Variants in ZPBP observed in about 807,000 individuals in gnomAD.
The protein encoded by ZPBP is zona pellucida binding protein, also known as zona pellucida-binding protein 1.
A neutral mutation model predicts 44.8 loss-of-function variants in ZPBP; 26 were observed. The observed-to-expected ratio is 0.58, with a 90% confidence interval of 0.43 to 0.81. The LOEUF (loss-of-function observed/expected upper bound fraction) is 0.81, where lower values mean the gene tolerates loss of function less well. Ranked by LOEUF, ZPBP falls within the 30% of genes least tolerant of loss-of-function variation. ZPBP has a pLI of 0.00. For missense variants in ZPBP, 409 were observed against 434.0 expected, an observed-to-expected ratio of 0.94 and a Z score of 0.51; for synonymous variants, 174 against 153.2, an observed-to-expected ratio of 1.14 and a Z score of -1.00.
intron 3 of ZPBP, among the ~76,000 whole-genome samples, chr7:50,080,719 T>C (rs931186102): frequency 2.0e-5 from 3 of 151,830 alleles, no homozygotes; most frequent in Non-Finnish European, 4.4e-5. Context: ...TTTCCACTAC[T>C]GGGTGCTTTT....
At chr7:50,029,507 G>C (rs1799493938) in intron 5 of ZPBP, among the ~76,000 whole-genome samples, 1 of 152,182 alleles carries the variant, frequency 6.6e-6, no homozygotes, top group Non-Finnish European at 1.5e-5. Context: ...CTGGGCATCA[G>C]AGGATATTAT....
intron 5 of ZPBP, among the ~76,000 whole-genome samples, chr7:50,025,812 T>TA (rs1035197941): frequency 2.9e-4 from 44 of 151,624 alleles, no homozygotes; most frequent in Admixed American, 2.1e-3. Context: ...ATAGTCAATG[T>TA]AAAAAAAACC....
chr7:49,859,785 T>C (rs577075442), intron 2 of ZPBP, among the ~76,000 whole-genome samples: 6,745 of 79,998 alleles, frequency 0.084, 392 homozygotes, highest in South Asian at 0.23. Context: ...ACAGTGCGCG[T>C]GCGTGCACAC....
At chr7:49,858,483 C>T (rs973189492) in intron 2 of ZPBP, among the ~76,000 whole-genome samples, 8 of 147,622 alleles carry the variant, frequency 5.4e-5, no homozygotes, top group Non-Finnish European at 5.9e-5. Flanking sequence ...CATGTTCTCA[C>T]TCATAGGTGG....
At chr7:50,066,364 G>A (rs1584156664) in intron 3 of ZPBP, among the ~76,000 whole-genome samples, 1 of 150,200 alleles carries the variant, frequency 6.7e-6, no homozygotes, top group South Asian at 2.1e-4. Context: ...CTGGGTCACA[G>A]ACTGAATAGG....
Position 50,023,163 on chromosome 7 carries a change from C to T in ZPBP, c.707-4847G>A, listed in dbSNP as rs988909640. 7.2e-5 allele frequency among the ~76,000 whole-genome samples: 11 copies of T among 152,090 alleles called. No individual in the cohort carries two copies. In the East Asian group the frequency reaches 1.2e-3, roughly 16 times the overall value. ...TTTTACCAGAGTCTCAATGACCTGG[C>T]GGAAGGGAAATACCAAATTCAAACC... On this transcript the variant is annotated intron_variant, in intron 5 of 7. Coordinates refer to ENST00000046087, the MANE Select transcript of ZPBP (RefSeq NM_007009.3).
chr7:49,863,300 C>A (rs191565948), intron 2 of ZPBP, among the ~76,000 whole-genome samples: 2 of 152,152 alleles, frequency 1.3e-5, no homozygotes, highest in African/African-American at 4.8e-5. Flanking sequence ...TGTGAGCTCC[C>A]ACTTTCATTC....
At chr7:50,042,591 T>A (rs546091240) in intron 4 of ZPBP, among the ~76,000 whole-genome samples, 1 of 152,130 alleles carries the variant, frequency 6.6e-6, no homozygotes, top group East Asian at 1.9e-4. Flanking sequence ...GAAGGAGAAA[T>A]AAAATCCATT....
At chr7:49,865,531 C>G (rs1424044868) in intron 2 of ZPBP, among the ~76,000 whole-genome samples, 1 of 152,200 alleles carries the variant, frequency 6.6e-6, no homozygotes, top group East Asian at 1.9e-4. Flanking sequence ...TGGTTCCTCA[C>G]CTTCCCATAA....
chr7:50,033,121 AGTTTGCAGGAGTTGG>A (rs1266547260), intron 4 of ZPBP, among the ~76,000 whole-genome samples: 2 of 151,784 alleles, frequency 1.3e-5, no homozygotes, highest in African/African-American at 4.8e-5. Flanking sequence ...AGCTACTTAT[AGTTTGCAGGAGTTGG>A]GTAAAGCATA....
At position 49,911,232 on chromosome 7, in the gene ZPBP, C is replaced by T. The variant is rs559850876; in HGVS notation, n.412-10017G>A. On this transcript the variant is annotated intron_variant and non_coding_transcript_variant, in intron 1 of 2. Coordinates refer to the ZPBP transcript ENST00000465922. ...GGAGCGGTGGCTTACACCTGTAATC[C>T]CAGCACTTTGGGAGGCCAAGGCGGG... Among the ~76,000 whole-genome samples the T allele has an allele frequency of 1.2e-4, 18 of 152,022 alleles. No individual in the cohort carries two copies. In the East Asian group the frequency reaches 3.5e-3, roughly 29 times the overall value.
At chr7:49,925,744 C>G (rs539223004) in intron 1 of ZPBP, among the ~76,000 whole-genome samples, 1 of 152,358 alleles carries the variant, frequency 6.6e-6, no homozygotes, top group East Asian at 1.9e-4. Flanking sequence ...TTCCAGGCCC[C>G]TGGCTGCAGC....
chr7:49,932,180 C>A (rs1562783013), intron 1 of ZPBP, among the ~76,000 whole-genome samples: 1 of 152,240 alleles, frequency 6.6e-6, no homozygotes, highest in African/African-American at 2.4e-5. Flanking sequence ...ATGGAGTCCT[C>A]ACTGGGGTAC....
chr7:50,071,100 A>G (rs1454870753), intron 3 of ZPBP, among the ~76,000 whole-genome samples: 1 of 152,210 alleles, frequency 6.6e-6, no homozygotes, highest in Admixed American at 6.5e-5. Context: ...GGCACTGAAA[A>G]GACTTTTTAA....
chr7:49,872,751 C>A (rs149371016), intron 2 of ZPBP, among the ~76,000 whole-genome samples: 51 of 121,998 alleles, frequency 4.2e-4, no homozygotes, highest in South Asian at 5.7e-4. Context: ...ACAAAAAATA[C>A]AAAAAAAAAA....
At chr7:49,844,716 G>A in the ZPBP span, among the ~76,000 whole-genome samples, 2 of 152,134 alleles carry the variant, frequency 1.3e-5, no homozygotes, top group East Asian at 1.9e-4. Context: ...TTTTGAGACG[G>A]AGTTTGGCTC....
At chr7:49,896,256 G>A (rs938532964) in intron 2 of ZPBP, among the ~76,000 whole-genome samples, 18 of 152,238 alleles carry the variant, frequency 1.2e-4, no homozygotes, top group African/African-American at 2.9e-4. Flanking sequence ...CACAAGAATC[G>A]CTTGAACCCA....
downstream of ZPBP, among the ~76,000 whole-genome samples, chr7:49,934,820 A>G (rs1794567972): frequency 6.6e-6 from 1 of 152,156 alleles, no homozygotes; most frequent in African/African-American, 2.4e-5. Context: ...AAATAAACAC[A>G]TCTTACATAT....
At chr7:49,867,461 G>A (rs780374028) in intron 2 of ZPBP, among the ~76,000 whole-genome samples, 23 of 152,172 alleles carry the variant, frequency 1.5e-4, no homozygotes, top group African/African-American at 5.3e-4. Context: ...CCTCCCAAGC[G>A]AAGGAAAATG....
Sources: allele counts gnomAD v4.1 joint callset (sites outside exome capture counted in the v4.1 genomes callset), GRCh38; gene constraint gnomAD v4.1.1; transcripts MANE v1.5; gene names NCBI Gene and HGNC (gene_info 2026-07-23, HGNC 2026-07-21).